PAPPA2: variants seen among roughly 807,000 people sequenced by gnomAD.
PAPPA2 encodes pappalysin 2.
In PAPPA2, 86 loss-of-function variants were observed where a neutral mutation model predicts 176.4. That is an observed-to-expected ratio of 0.49 (90% CI 0.41 to 0.58). PAPPA2 has a LOEUF of 0.58. Ranked by LOEUF, PAPPA2 falls within the 20% of genes least tolerant of loss-of-function variation. The pLI is 0.00. For synonymous variants in PAPPA2, 809 were observed against 852.2 expected (o/e 0.95, Z 0.88); for missense variants, 2,073 against 2,256.9 (o/e 0.92, Z 1.65).
chr1:176,798,819 C>T (rs1315902702), intron 20 of PAPPA2, among the ~76,000 whole-genome samples: 2 of 152,112 alleles, frequency 1.3e-5, no homozygotes, highest in Non-Finnish European at 2.9e-5. Flanking sequence ...TCAAATATTG[C>T]AATATGAAGT....
At chr1:176,552,692 A>G (rs899958954) in intron 1 of PAPPA2, among the ~76,000 whole-genome samples, 3 of 152,098 alleles carry the variant, frequency 2.0e-5, no homozygotes, top group Non-Finnish European at 4.4e-5. Context: ...TCAAAATAAA[A>G]TGAATCCAGC....
intron 1 of PAPPA2, among the ~76,000 whole-genome samples, chr1:176,485,977 T>C (rs764323323): frequency 1.3e-5 from 2 of 152,182 alleles, no homozygotes; most frequent in Non-Finnish European, 2.9e-5. Context: ...CTAGGGGTGA[T>C]AAATTGTGGG....
intron 3 of PAPPA2, among the ~76,000 whole-genome samples, chr1:176,653,239 C>T (rs1442273664): frequency 1.3e-5 from 2 of 151,748 alleles, no homozygotes; most frequent in Non-Finnish European, 2.9e-5. Flanking sequence ...TCTCCATACT[C>T]ATCATCTCAT....
intron 21 of PAPPA2, among the ~76,000 whole-genome samples, chr1:176,832,658 C>T (rs1226334631): frequency 1.3e-5 from 2 of 152,168 alleles, no homozygotes; most frequent in African/African-American, 4.8e-5. Context: ...CGGCCATATT[C>T]TGTGCTTTTA....
intron 3 of PAPPA2, among the ~76,000 whole-genome samples, chr1:176,626,091 C>G (rs1382643209): frequency 2.0e-5 from 3 of 152,056 alleles, no homozygotes; most frequent in Non-Finnish European, 4.4e-5. Context: ...AAATAATTTA[C>G]ATAATTTAAG....
chr1:176,514,245 G>C (rs969048887), intron 1 of PAPPA2, among the ~76,000 whole-genome samples: 10 of 152,148 alleles, frequency 6.6e-5, no homozygotes, highest in African/African-American at 2.4e-4. Flanking sequence ...ATCATATAGT[G>C]AGAGAGGGAG....
At chr1:176,831,553 T>A (rs949389607) in intron 21 of PAPPA2, among the ~76,000 whole-genome samples, 1 of 152,186 alleles carries the variant, frequency 6.6e-6, no homozygotes, top group African/African-American at 2.4e-5. Flanking sequence ...ACTGCCCTCC[T>A]CCTGGCCTTG....
At chr1:176,796,632 T>C (rs200361872) in intron 20 of PAPPA2, among the ~76,000 whole-genome samples, 21 of 123,586 alleles carry the variant, frequency 1.7e-4, no homozygotes, top group Admixed American at 2.6e-4. Flanking sequence ...TTCTTTCTTT[T>C]TCTTTCTTTT....
intron 1 of PAPPA2, among the ~76,000 whole-genome samples, chr1:176,511,517 G>A (rs1223648625): frequency 1.3e-5 from 2 of 152,180 alleles, no homozygotes; most frequent in Admixed American, 6.6e-5. Context: ...GTCTTAACTG[G>A]TTGTGATAAT....
At chr1:176,516,694 C>G (rs1023559420) in intron 1 of PAPPA2, among the ~76,000 whole-genome samples, 1 of 152,196 alleles carries the variant, frequency 6.6e-6, no homozygotes, top group Admixed American at 6.5e-5. Context: ...AAGCAAAGAG[C>G]AAGCCCTTAC....
At chr1:176,582,777 G>A (rs1231203862) in intron 2 of PAPPA2, among the ~76,000 whole-genome samples, 1 of 152,106 alleles carries the variant, frequency 6.6e-6, no homozygotes, top group Non-Finnish European at 1.5e-5. Context: ...CTAGTAGAAT[G>A]AGTTTAGAAG....
At chr1:176,702,477 A>C in intron 8 of PAPPA2, 130 bp from the exon 9 acceptor site, 4 of 1,313,150 alleles carry the variant, frequency 3.0e-6, no homozygotes, top group Non-Finnish European at 3.1e-6. Context: ...TGTTTTAGAC[A>C]ATGCAGCGTA....
intron 21 of PAPPA2, among the ~76,000 whole-genome samples, chr1:176,835,501 T>C (rs1667238458): frequency 6.6e-6 from 1 of 152,090 alleles, no homozygotes; most frequent in African/African-American, 2.4e-5. Flanking sequence ...CACAAGCACT[T>C]GCCTTTCATC....
At chr1:176,518,916 C>T (rs2102534568) in intron 1 of PAPPA2, among the ~76,000 whole-genome samples, 1 of 152,248 alleles carries the variant, frequency 6.6e-6, no homozygotes, top group East Asian at 1.9e-4. Flanking sequence ...AAAAGTACTA[C>T]TGCTATATCA....
intron 21 of PAPPA2, among the ~76,000 whole-genome samples, chr1:176,804,720 T>C (rs1197931764): frequency 6.6e-6 from 1 of 152,218 alleles, no homozygotes; most frequent in Non-Finnish European, 1.5e-5. Context: ...GCTGAAGATA[T>C]TGTCTTTTCC....
chr1:176,831,123 G>T (rs1180517067), intron 21 of PAPPA2, among the ~76,000 whole-genome samples: 1 of 152,108 alleles, frequency 6.6e-6, no homozygotes, highest in Non-Finnish European at 1.5e-5. Flanking sequence ...AGTTGGGTTT[G>T]GTGCAGAAGG....
intron 2 of PAPPA2, among the ~76,000 whole-genome samples, chr1:176,590,734 A>T (rs1235220279): frequency 6.6e-6 from 1 of 152,170 alleles, no homozygotes; most frequent in Non-Finnish European, 1.5e-5. Context: ...TTTTGAGATG[A>T]TACAGCATGT....
At chr1:176,697,692 A>G (rs1660450282) in intron 7 of PAPPA2, among the ~76,000 whole-genome samples, 2 of 152,138 alleles carry the variant, frequency 1.3e-5, no homozygotes, top group South Asian at 4.1e-4. Flanking sequence ...TCCCAGCCTC[A>G]CCTCATAATC....
intron 12 of PAPPA2, among the ~76,000 whole-genome samples, chr1:176,712,277 C>T (rs1293046988): frequency 6.6e-6 from 1 of 152,160 alleles, no homozygotes; most frequent in African/African-American, 2.4e-5. Context: ...TTTCTAATCA[C>T]AACATAGATC....
Sources: gnomAD v4.1 joint callset for allele counts (sites outside exome capture counted in the v4.1 genomes callset) on GRCh38, gnomAD v4.1.1 for gene constraint, MANE v1.5 for transcripts, NCBI Gene and HGNC (gene_info 2026-07-23, HGNC 2026-07-21) for gene names.